Variants in IRAK3 observed in about 807,000 individuals in gnomAD.
The protein encoded by IRAK3 is interleukin-1 receptor-associated kinase 3.
A neutral mutation model predicts 56.6 loss-of-function variants in IRAK3; 57 were observed. The ratio of observed to expected loss-of-function variants is 1.01; its 90% CI spans 0.81 to 1.26. The LOEUF (loss-of-function observed/expected upper bound fraction) is 1.26. Among genes scored for constraint, IRAK3 ranks in the 50% most tolerant of loss-of-function variants. The probability of loss-of-function intolerance (pLI) is 0.00; values close to 1 mark genes in which losing one functional copy is unlikely to be tolerated. For synonymous variants in IRAK3, 258 were observed against 255.7 expected, an observed-to-expected ratio of 1.01 and a Z score of -0.09; for missense variants, 703 against 719.0, an observed-to-expected ratio of 0.98 and a Z score of 0.25.
chr12:66,192,785 A>G (rs548848113), intron 1 of IRAK3, among the ~76,000 whole-genome samples: 2 of 152,272 alleles, frequency 1.3e-5, no homozygotes, highest in South Asian at 4.1e-4. Flanking sequence ...TACATGGATT[A>G]TCTCATTTAC....
chr12:66,248,055 G>T lies in IRAK3; in HGVS notation c.1675G>T (p.Val559Leu), dbSNP rs149578067. 5.3e-5 allele frequency: 84 copies of T among 1,587,752 alleles called. No homozygotes were observed. Among genetic ancestry groups the T allele is most frequent in the Non-Finnish European group, 6.7e-5 (78 of 1,170,072 alleles). The change falls in exon 12 of 12, where the codon GTA (valine) becomes TTA (leucine). Residue 559 changes from valine (V) to leucine (L), a missense_variant. Coordinates refer to ENST00000261233, the MANE Select transcript of IRAK3 (RefSeq NM_007199.3). ...VPSQDLRPYK[V>L]NIDPSSEAPG... ...ATCCCAGGACTTAAGGCCCTATAAG[G>T]TAAATATAGATCCTTCTTCAGAAGC...
rs930346112 is a variant in IRAK3, at chr12:66,254,159, C to T, written c.*5988C>T. On this transcript the variant is annotated 3_prime_UTR_variant, in exon 12 of 12. Transcript: ENST00000261233. ...GTATGAAAACCTAAATGTTGATACA[C>T]CTTTACCCAGCAGTTTGTTTAGGAA... The T allele has an allele frequency of 4.6e-5, 7 of 152,076 alleles. No homozygotes were observed. Among genetic ancestry groups the T allele is most frequent in the Non-Finnish European group, 1.0e-4 (7 of 68,004 alleles). 9.4% of individuals were successfully genotyped at this position (152,076 alleles called of 1,614,324 possible).
intron 8 of IRAK3, among the ~76,000 whole-genome samples, chr12:66,243,349 C>T (rs1448078913): frequency 6.6e-6 from 1 of 152,182 alleles, no homozygotes; most frequent in Non-Finnish European, 1.5e-5. Context: ...TTAAGAACTT[C>T]TTGATATCCC....
In IRAK3 at chr12:66,253,330, T is replaced by C. The variant is rs1280973026; in HGVS notation, c.*5159T>C. The C allele has an allele frequency of 1.3e-5, 2 of 152,220 alleles. No individual in the cohort carries two copies. The allele number at this position is 152,220 out of a possible 1,614,324, so 9.4% of individuals were successfully genotyped here. On this transcript the variant is annotated 3_prime_UTR_variant, in exon 12 of 12. Transcript: ENST00000261233. ...GTCGTTGTATGTGTTGCTTATAAAT[T>C]TTCTCTATGGTGGAAAATATTCCCA...
At chr12:66,219,928 C>T (rs746840694) in intron 6 of IRAK3, among the ~76,000 whole-genome samples, 33 of 152,076 alleles carry the variant, frequency 2.2e-4, no homozygotes, top group Non-Finnish European at 4.1e-4. Context: ...TGTATGAGTT[C>T]CTCACTATTT....
intron 6 of IRAK3, among the ~76,000 whole-genome samples, chr12:66,220,035 A>G (rs905489849): frequency 6.6e-6 from 1 of 152,126 alleles, no homozygotes; most frequent in Non-Finnish European, 1.5e-5. Context: ...TTTGTTGTGC[A>G]GAAGCTTTTT....
rs1159670132 is a variant in IRAK3 at position 66,239,919 on chromosome 12, G to A, written c.888-4567G>A. Among the ~76,000 whole-genome samples the A allele has an allele frequency of 3.9e-5, 6 of 151,992 alleles. No individual in the cohort carries two copies. In the East Asian group the frequency reaches 5.8e-4, roughly 15 times the overall value. ...TTGTCTTAAAATGTCTGGAAAATAC[G>A]TTTGCCCAGAACTTCCTGGAACTAT... On this transcript the variant is annotated intron_variant, in intron 8 of 11. Transcript: ENST00000261233.
At chr12:66,241,346 A>G (rs141351972) in intron 8 of IRAK3, among the ~76,000 whole-genome samples, 49 of 152,292 alleles carry the variant, frequency 3.2e-4, no homozygotes, top group Middle Eastern at 6.8e-3. Flanking sequence ...TCTTTTATCT[A>G]TCTCTTTGGT....
chr12:66,228,806 T>C (rs766263827), intron 8 of IRAK3, among the ~76,000 whole-genome samples: 19 of 152,244 alleles, frequency 1.2e-4, no homozygotes, highest in Middle Eastern at 6.8e-3. Context: ...TAGTCAACAC[T>C]TTATTATAAA....
At chr12:66,234,959 C>T in intron 8 of IRAK3, 1 of 1,614,124 alleles carries the variant, frequency 6.2e-7, no homozygotes, top group Non-Finnish European at 8.5e-7. Context: ...TGCTGCAGGG[C>T]TGTCAAAGTC....
chr12:66,233,437 G>A (rs1219064046), intron 8 of IRAK3, among the ~76,000 whole-genome samples: 1 of 151,734 alleles, frequency 6.6e-6, no homozygotes, highest in Non-Finnish European at 1.5e-5. Context: ...AGAATGGCGT[G>A]AACCCGGGAG....
intron 8 of IRAK3, among the ~76,000 whole-genome samples, chr12:66,233,708 C>T (rs914300511): frequency 4.6e-5 from 7 of 151,176 alleles, no homozygotes; most frequent in African/African-American, 1.5e-4. Flanking sequence ...CACAAAAATC[C>T]GGTCATGCAC....
At chr12:66,191,865 A>G (rs1218319239) in intron 1 of IRAK3, among the ~76,000 whole-genome samples, 1 of 152,218 alleles carries the variant, frequency 6.6e-6, no homozygotes, top group African/African-American at 2.4e-5. Flanking sequence ...CAACTGTAAT[A>G]TACTAAGTAA....
chr12:66,236,241 G>A (rs923037328), intron 8 of IRAK3, among the ~76,000 whole-genome samples: 1 of 151,940 alleles, frequency 6.6e-6, no homozygotes, highest in Non-Finnish European at 1.5e-5. Context: ...TGTGGATGTG[G>A]GAAGACCACC....
At chr12:66,191,120 G>A (rs1037297112) in intron 1 of IRAK3, among the ~76,000 whole-genome samples, 1 of 152,334 alleles carries the variant, frequency 6.6e-6, no homozygotes. Context: ...GAGGGTGGGA[G>A]AAGAAGGCTT....
chr12:66,209,516 T>C lies in IRAK3; in HGVS notation c.377T>C (p.Phe126Ser), dbSNP rs767967112. The change falls in exon 3 of 12, where the codon TTC becomes TCC. Residue 126 changes from phenylalanine to serine, a missense_variant. By Grantham distance (155) the Phe-to-Ser change is radical. Transcript: ENST00000261233. ...YQEGGFPNIL[F>S]KETANVTVDN... Reference sequence around the variant, plus strand: ...GAAGGTGGATTTCCAAATATATTATTCAAGGTAGAGTATGTGTGCATAGAA... The same window carrying C: ...GAAGGTGGATTTCCAAATATATTATCCAAGGTAGAGTATGTGTGCATAGAA... 5 of 1,563,244 alleles carry C rather than the reference T, an allele frequency of 3.2e-6. No individual in the cohort carries two copies. The highest frequency in any genetic ancestry group is 8.8e-7 in the Non-Finnish European group (1 of 1,133,904).
At chr12:66,197,057 C>A in intron 1 of IRAK3, 2 of 1,463,270 alleles carry the variant, frequency 1.4e-6, no homozygotes, top group Middle Eastern at 1.8e-4. Context: ...GTCAGTCCTG[C>A]ACTCTCAAAA....
intron 6 of IRAK3, 74 bp from the exon 7 acceptor site, chr12:66,226,649 C>T (rs989071614): frequency 1.7e-5 from 14 of 844,746 alleles, no homozygotes; most frequent in Non-Finnish European, 2.7e-5. Flanking sequence ...ACCTTACTAC[C>T]CCCACACCAG....
At chr12:66,204,778 GCA>G (rs59511601) in intron 2 of IRAK3, among the ~76,000 whole-genome samples, 13,544 of 147,600 alleles carry the variant, frequency 0.092, 651 homozygotes, top group Middle Eastern at 0.13. Flanking sequence ...GAGCCCTTGC[GCA>G]CACACACACA....
Sources: gnomAD v4.1 joint callset for allele counts (sites outside exome capture counted in the v4.1 genomes callset) on GRCh38, gnomAD v4.1.1 for gene constraint, MANE v1.5 for transcripts, NCBI Gene and HGNC (gene_info 2026-07-23, HGNC 2026-07-21) for gene names.